Variants in GALK2 observed in about 807,000 individuals in gnomAD.
The protein encoded by GALK2 is N-acetylgalactosamine kinase.
A neutral mutation model predicts 52.4 loss-of-function variants in GALK2; 36 were observed. The ratio of observed to expected loss-of-function variants is 0.69; its 90% CI spans 0.53 to 0.91. GALK2 has a LOEUF of 0.91. Among genes scored for constraint, GALK2 ranks in the 40% least tolerant of loss-of-function variants. The probability of loss-of-function intolerance (pLI) is 0.00; values close to 1 mark genes in which losing one functional copy is unlikely to be tolerated. For synonymous variants in GALK2, 176 were observed against 199.1 expected (o/e 0.88, Z 0.98); for missense variants, 579 against 559.1 (o/e 1.04, Z -0.36).
At chr15:49,156,600 T>C in intron 1 of GALK2, 2 of 517,238 alleles carry the variant, frequency 3.9e-6, no homozygotes, top group South Asian at 3.0e-5. Flanking sequence ...CCAAAGAAAT[T>C]CAGATTGCCG....
At chr15:49,318,950 CTTTCT>C (rs2036649039) in intron 8 of GALK2, 29 of 447,108 alleles carry the variant, frequency 6.5e-5, no homozygotes, top group South Asian at 4.3e-4. Flanking sequence ...ACTTTTCTTT[CTTTCT>C]TTTTTTTTTT....
chr15:49,281,312 A>G (rs1211616232), intron 5 of GALK2, among the ~76,000 whole-genome samples: 1 of 152,240 alleles, frequency 6.6e-6, no homozygotes, highest in Non-Finnish European at 1.5e-5. Flanking sequence ...ATGGTAAATG[A>G]TACAATTTCG....
chr15:49,220,596 G>A (rs542403517), intron 3 of GALK2, among the ~76,000 whole-genome samples: 1 of 152,190 alleles, frequency 6.6e-6, no homozygotes, highest in South Asian at 2.1e-4. Context: ...GGATAAATAC[G>A]CAGTATTAGG....
chr15:49,214,266 A>G (rs908893598), intron 2 of GALK2, among the ~76,000 whole-genome samples: 7 of 152,078 alleles, frequency 4.6e-5, no homozygotes, highest in Middle Eastern at 6.8e-3. Flanking sequence ...TAAAAAAGAA[A>G]TCAGCAAAAA....
At chr15:49,321,893 A>T (rs2151089121) in intron 9 of GALK2, among the ~76,000 whole-genome samples, 1 of 152,356 alleles carries the variant, frequency 6.6e-6, no homozygotes, top group Admixed American at 6.5e-5. Context: ...GCATTTGAAC[A>T]TTAAGCAAAG....
intron 2 of GALK2, among the ~76,000 whole-genome samples, chr15:49,204,301 T>C (rs1420166327): frequency 6.6e-6 from 1 of 151,918 alleles, no homozygotes; most frequent in Admixed American, 6.6e-5. Flanking sequence ...CTTTTATTTT[T>C]TTTTTTGGCT....
chr15:49,169,895 A>G (rs78135084), upstream of GALK2: 23,343 of 157,224 alleles, frequency 0.15, 2,273 homozygotes, highest in Non-Finnish European at 0.2. Context: ...AACCATAACT[A>G]AAAAACAAAC....
chr15:49,173,965 A>G (rs1026247629), intron 1 of GALK2, among the ~76,000 whole-genome samples: 1 of 151,100 alleles, frequency 6.6e-6, no homozygotes, highest in African/African-American at 2.4e-5. Flanking sequence ...CTGGTCTTGA[A>G]CTCCTGACCT....
intron 3 of GALK2, among the ~76,000 whole-genome samples, chr15:49,229,776 T>C (rs1284817391): frequency 6.6e-6 from 1 of 151,934 alleles, no homozygotes; most frequent in Non-Finnish European, 1.5e-5. Context: ...TGGGGTTGCT[T>C]TTACTGGCAG....
chr15:49,320,311 T>G (rs1596103334), intron 9 of GALK2, among the ~76,000 whole-genome samples: 1 of 152,172 alleles, frequency 6.6e-6, no homozygotes, highest in Admixed American at 6.5e-5. Flanking sequence ...ATTTCCTGCC[T>G]TCTAGGTTTA....
chr15:49,214,332 C>CTTTTTT (rs35359586), intron 2 of GALK2, among the ~76,000 whole-genome samples: 2,889 of 126,554 alleles, frequency 0.023, 104 homozygotes, highest in African/African-American at 0.048. Context: ...CACTTTGTCA[C>CTTTTTT]TTTTTTTTTT....
At chr15:49,348,440 A>G (rs2041830397) in intron 3 of GALK2, among the ~76,000 whole-genome samples, 1 of 152,192 alleles carries the variant, frequency 6.6e-6, no homozygotes, top group South Asian at 2.1e-4. Context: ...AAAAAACAGA[A>G]AACAGACACA....
chr15:49,187,519 C>G (rs1234700041), intron 1 of GALK2, among the ~76,000 whole-genome samples: 1 of 152,148 alleles, frequency 6.6e-6, no homozygotes, highest in Non-Finnish European at 1.5e-5. Flanking sequence ...GGGTGATGAG[C>G]TCCCCCTAAG....
chr15:49,305,126 T>A (rs1013091936), intron 8 of GALK2, among the ~76,000 whole-genome samples: 1 of 152,212 alleles, frequency 6.6e-6, no homozygotes, highest in Non-Finnish European at 1.5e-5. Flanking sequence ...AATTAGAAAT[T>A]GTATGCTATT....
chr15:49,157,615 T>C (rs1264058891), intron 1 of GALK2, among the ~76,000 whole-genome samples: 1 of 152,012 alleles, frequency 6.6e-6, no homozygotes, highest in Non-Finnish European at 1.5e-5. Context: ...ACTAGAAAAA[T>C]TTAAAGAATA....
intron 8 of GALK2, among the ~76,000 whole-genome samples, chr15:49,293,901 A>G (rs1170790313): frequency 6.6e-6 from 1 of 151,896 alleles, no homozygotes; most frequent in East Asian, 1.9e-4. Context: ...GGAGTTCGAG[A>G]CCAGCCTGGC....
At chr15:49,294,147 A>G (rs2034229625) in intron 8 of GALK2, among the ~76,000 whole-genome samples, 1 of 138,318 alleles carries the variant, frequency 7.2e-6, no homozygotes, top group Non-Finnish European at 1.5e-5. Context: ...TCTCAAATAA[A>G]TAAATAAATA....
In GALK2 at chr15:49,239,009, AAATT is replaced by A. The variant is rs922792733; in HGVS notation, c.358-209_358-206del. 8.9e-4 allele frequency among the ~76,000 whole-genome samples: 136 copies of A among 152,358 alleles called. 1 individual carries two copies. The highest frequency in any genetic ancestry group is 3.2e-3 in the African/African-American group (133 of 41,584). On this transcript the variant is annotated intron_variant, in intron 4 of 9. Transcript: ENST00000560031. The stretch of plus-strand genomic sequence containing the variant: ...AAGAAAAAGAACATTCAAGGCAAGA[AAATT>A]AAAGGCATTTAAGGGAATTACTCTG...
At chr15:49,225,477 A>C (rs571687889) in intron 3 of GALK2, 5 of 295,212 alleles carry the variant, frequency 1.7e-5, no homozygotes, top group Admixed American at 4.5e-5. Flanking sequence ...TCTAGGTTGC[A>C]TGCTCCTTAT....
Sources: gnomAD v4.1 joint callset for allele counts (sites outside exome capture counted in the v4.1 genomes callset) on GRCh38, gnomAD v4.1.1 for gene constraint, MANE v1.5 for transcripts, NCBI Gene and HGNC (gene_info 2026-07-23, HGNC 2026-07-21) for gene names.